FBH1: variants seen among roughly 807,000 people sequenced by gnomAD.
FBH1 encodes the protein DNA 3'-5' helicase 1.
Under a neutral mutation model 115.5 loss-of-function variants are expected in FBH1, and 43 were observed. That is an observed-to-expected ratio of 0.37 (90% CI 0.29 to 0.48). The LOEUF is 0.48. Ranked by LOEUF, FBH1 falls within the 20% of genes least tolerant of loss-of-function variation. The pLI is 0.99. For synonymous variants in FBH1, 524 were observed against 507.8 expected (o/e 1.03, Z -0.43); for missense variants, 1,001 against 1,337.3 (o/e 0.75, Z 3.92).
At chr10:5,922,660 G>A (rs1832381254) in intron 15 of FBH1, among the ~76,000 whole-genome samples, 1 of 152,164 alleles carries the variant, frequency 6.6e-6, no homozygotes, top group African/African-American at 2.4e-5. Context: ...GCTGTTTTAT[G>A]TGAGTGTTTT....
rs1357167647 is a variant in FBH1, at chr10:5,923,494, C to T, written c.2323-127C>T. 5 of 723,138 alleles carry T rather than the reference C, an allele frequency of 6.9e-6. No homozygotes were observed. Among genetic ancestry groups the T allele is most frequent in the Non-Finnish European group, 1.1e-5 (5 of 445,260 alleles). The allele number at this position is 723,138 out of a possible 1,614,324, so 44.8% of individuals were successfully genotyped here. Reference sequence around the variant, plus strand: ...TTGGGTGTCACTCAAGATCCATTTCCAAGAAACCATCTCATTTCAAAACCC... The same window carrying T: ...TTGGGTGTCACTCAAGATCCATTTCTAAGAAACCATCTCATTTCAAAACCC... On this transcript the variant is annotated intron_variant, in intron 15 of 20. Coordinates refer to ENST00000362091, the MANE Select transcript of FBH1 (RefSeq NM_178150.3). This position sits in a 1 kb window ranked among gnomAD's most constrained non-coding sequence, Gnocchi z 5.7.
chr10:5,922,893 C>CT (rs922882142), intron 15 of FBH1, among the ~76,000 whole-genome samples: 3 of 151,868 alleles, frequency 2.0e-5, no homozygotes, highest in African/African-American at 7.3e-5. Flanking sequence ...TCTGTAATTT[C>CT]TTTTTTTTGA....
chr10:5,927,535 G>A lies in FBH1; in HGVS notation c.2823G>A (p.Leu941=). The A allele has an allele frequency of 6.2e-7, 1 of 1,612,576 alleles. No individual in the cohort carries two copies. The highest frequency in any genetic ancestry group is 8.5e-7 in the Non-Finnish European group (1 of 1,179,536). Residue 941 remains leucine (L), a synonymous_variant, in exon 19 of 21, where the codon TTG becomes TTA. Transcript: ENST00000362091. ...AATCATTGGAAAACATTTTGACTTTGGCTGGGGTAAGCAGAACGGGCAGCA... is the reference window on the plus strand; with the variant it reads ...AATCATTGGAAAACATTTTGACTTTAGCTGGGGTAAGCAGAACGGGCAGCA... The part of the protein sequence containing the change: ...MTKSLENILT[L]AGEYFLQAEL...
chr10:5,937,339 A>C lies in FBH1; in HGVS notation c.*59A>C. On this transcript the variant is annotated 3_prime_UTR_variant, in exon 21 of 21. Transcript: ENST00000362091. ...GCTTGCCGAGGACCCCGCGTGAAGA[A>C]AGCCAGCGAGGGGGGCTTCTGCTCC... The C allele has an allele frequency of 7.0e-7, 1 of 1,421,460 alleles. No homozygotes were observed. The highest frequency in any genetic ancestry group is 2.8e-5 in the Admixed American group (1 of 36,070). The allele number at this position is 1,421,460 out of a possible 1,614,324, so 88.1% of individuals were successfully genotyped here.
In FBH1 at chr10:5,895,045, C is replaced by T. The variant is rs756023348; in HGVS notation, c.1+4699C>T. On this transcript the variant is annotated intron_variant, in intron 1 of 20. Transcript: ENST00000362091. This position sits in a 1 kb window ranked among gnomAD's most constrained non-coding sequence, Gnocchi z 5.0. ...GTTAACTGTTGAAATTGGGCCATTCCCGTTTCACAGGCTGCCATTGGACCT... is the reference window on the plus strand; with the variant it reads ...GTTAACTGTTGAAATTGGGCCATTCTCGTTTCACAGGCTGCCATTGGACCT... The T allele has an allele frequency of 8.7e-6, 14 of 1,608,228 alleles. No individual in the cohort carries two copies. Among genetic ancestry groups the T allele is most frequent in the Non-Finnish European group, 1.1e-5 (13 of 1,176,430 alleles).
intron 19 of FBH1, chr10:5,928,765 C>T (rs1425969245): frequency 6.6e-6 from 1 of 152,188 alleles, no homozygotes; most frequent in African/African-American, 2.4e-5. Context: ...GAAACTAGAA[C>T]AGAAATTTGA....
Position 5,908,928 on chromosome 10 carries a change from A to G in FBH1, c.757A>G (p.Ile253Val). ...WREIISDPLF[I>V]PWKKLYHRYL... is the part of the protein sequence containing the mutation. ...TGTTTGTTTTTTAACTGCATAGTTC[A>G]TTCCTTGGAAGAAGCTGTACCATCG... The change falls in exon 4 of 21, where the codon ATT (isoleucine) becomes GTT (valine). Residue 253 changes from isoleucine (I) to valine (V), a missense_variant. This residue lies in a region of FBH1 where 420 missense variants were observed against 430.4 expected (regional missense o/e 0.98). Transcript: ENST00000362091. The G allele has an allele frequency of 6.2e-7, 1 of 1,614,036 alleles. No homozygotes were observed. Among genetic ancestry groups the G allele is most frequent in the Non-Finnish European group, 8.5e-7 (1 of 1,180,030 alleles).
Position 5,937,120 on chromosome 10 carries a change from A to G in FBH1, c.2972A>G (p.Lys991Arg), listed in dbSNP as rs991132423. Residue 991 changes from lysine (K) to arginine (R), a missense_variant, in exon 21 of 21, where the codon AAG (lysine) becomes AGG (arginine). Lys to Arg is a conservative substitution (Grantham distance 26, BLOSUM62 2). Around this residue, in one of 4 missense-constraint regions of FBH1, gnomAD observed 521 missense variants for 811.0 expected, o/e 0.64. Transcript: ENST00000362091. ...TGTCCATCACCACAGAGCAACAGGA[A>G]GGAAAACAAGGGGGGCTACCTCTGC... ...KKLPITYSNR[K>R]ENKGGYLCHS... is the part of the protein sequence containing the mutation. The G allele has an allele frequency of 3.1e-6, 5 of 1,604,358 alleles. No homozygotes were observed. In the East Asian group the frequency reaches 1.1e-4, roughly 36 times the overall value.
intron 1 of FBH1, 74 bp from the exon 2 acceptor site, chr10:5,902,946 A>G (rs1424646453): frequency 7.8e-6 from 11 of 1,415,474 alleles, no homozygotes; most frequent in Admixed American, 6.9e-5. Flanking sequence ...CTTGAGTATA[A>G]TGTGCTGGCT....
chr10:5,894,444 C>G, intron 1 of FBH1: 1 of 1,562,278 alleles, frequency 6.4e-7, no homozygotes, highest in South Asian at 1.1e-5. Context: ...GTGCACTGGA[C>G]TAGGGGAGTC....
rs1450184724 is a variant in FBH1, at chr10:5,935,451, T to C, written c.2830-1005T>C. On this transcript the variant is annotated intron_variant, in intron 19 of 20. Coordinates refer to ENST00000362091, the MANE Select transcript of FBH1 (RefSeq NM_178150.3). The surrounding 1 kb of genome is among the most constrained non-coding windows in gnomAD (Gnocchi z 5.2). ...GTGTAAACGAGAAGCTATTTCACCG[T>C]GGGTTGGAGGGACCTCGCCAGGTTC... is the stretch of plus-strand genomic sequence containing the variant. 1 of 152,136 alleles carries C rather than the reference T, an allele frequency of 6.6e-6. No homozygotes were observed. The highest frequency in any genetic ancestry group is 1.5e-5 in the Non-Finnish European group (1 of 68,020). 9.4% of individuals were successfully genotyped at this position (152,136 alleles called of 1,614,324 possible). A position where few individuals can be genotyped will look rare whatever the true frequency, so the allele number is the denominator to read the frequency against.
chr10:5,937,294 GT>G lies in FBH1; in HGVS notation c.*16del. 1 of 1,578,864 alleles carries G rather than the reference GT, an allele frequency of 6.3e-7. No individual in the cohort carries two copies. The highest frequency in any genetic ancestry group is 1.8e-5 in the Admixed American group (1 of 56,672). On this transcript the variant is annotated 3_prime_UTR_variant, in exon 21 of 21. Coordinates refer to ENST00000362091, the MANE Select transcript of FBH1 (RefSeq NM_178150.3). Reference sequence around the variant, plus strand: ...CTCGTCTTCTGAGGACAAGGCGCACGTTCTCCGCAGTGCAGAGCAGCTTGCC... The same window carrying G: ...CTCGTCTTCTGAGGACAAGGCGCACGTCTCCGCAGTGCAGAGCAGCTTGCC...
chr10:5,902,971 G>A lies in FBH1; in HGVS notation c.2-49G>A, dbSNP rs920076575. On this transcript the variant is annotated intron_variant, in intron 1 of 20. Transcript: ENST00000362091. The stretch of plus-strand genomic sequence containing the variant: ...ATGTGCTGGCTAGCTTGTAGAATCG[G>A]TGATAACTAATGAATATCCCCTTTC... 4.6e-6 allele frequency: 7 copies of A among 1,527,404 alleles called. No homozygotes were observed. In the African/African-American group the frequency reaches 6.9e-5, roughly 15 times the overall value. The allele number at this position is 1,527,404 out of a possible 1,614,324, so 94.6% of individuals were successfully genotyped here.
intron 1 of FBH1, 27 bp from the exon 2 acceptor site, chr10:5,902,991 CCT>C (rs1296341664): frequency 3.8e-6 from 6 of 1,576,868 alleles, no homozygotes; most frequent in Non-Finnish European, 4.3e-6. Context: ...ATGAATATCC[CCT>C]TTCTTCTACC....
chr10:5,899,338 C>T (rs1171007148), intron 1 of FBH1, among the ~76,000 whole-genome samples: 1 of 152,114 alleles, frequency 6.6e-6, no homozygotes, highest in Non-Finnish European at 1.5e-5. Flanking sequence ...TGTTTTTTTC[C>T]TTCATGATTT....
intron 10 of FBH1, among the ~76,000 whole-genome samples, 181 bp downstream of exon 10, chr10:5,916,637 A>ACAGGGAGTG (rs1831972872): frequency 7.0e-6 from 1 of 141,946 alleles, no homozygotes; most frequent in African/African-American, 2.7e-5. Context: ...GGATGGGGAA[A>ACAGGGAGTG]TGGGAAGTGT....
In FBH1 at chr10:5,913,103, G is replaced by T. The variant is rs796844684; in HGVS notation, c.1212-644G>T. Among the ~76,000 whole-genome samples, 1 of 152,094 alleles carries T rather than the reference G, an allele frequency of 6.6e-6. No homozygotes were observed. Among genetic ancestry groups the T allele is most frequent in the African/African-American group, 2.4e-5 (1 of 41,406 alleles). ...GGGAGACTTGGAGAGGCTTTGGAAC[G>T]GCGTGTGCCAGCTGAGTCTGACGAG... On this transcript the variant is annotated intron_variant, in intron 6 of 20. Transcript: ENST00000362091. The surrounding 1 kb of genome is among the most constrained non-coding windows in gnomAD (Gnocchi z 4.4).
intron 1 of FBH1, among the ~76,000 whole-genome samples, chr10:5,891,713 A>G (rs792349): frequency 0.84 from 127,661 of 152,200 alleles, 53,787 homozygotes; most frequent in Admixed American, 0.88. Context: ...GGGTTCAAGC[A>G]ATTCTCCTGC....
At position 5,897,814 on chromosome 10, in the gene FBH1, G is replaced by A. The variant is rs1015790358; in HGVS notation, c.2-5206G>A. ...CCCATTAGCACTTTCTGTTACTCCTGTGTCTTTGTTAGATTTCTGCAAACA... is the reference window on the plus strand; with the variant it reads ...CCCATTAGCACTTTCTGTTACTCCTATGTCTTTGTTAGATTTCTGCAAACA... On this transcript the variant is annotated intron_variant, in intron 1 of 20. Coordinates refer to ENST00000362091, the MANE Select transcript of FBH1 (RefSeq NM_178150.3). The surrounding 1 kb of genome is among the most constrained non-coding windows in gnomAD (Gnocchi z 4.7). Among the ~76,000 whole-genome samples, 1 of 152,210 alleles carries A rather than the reference G, an allele frequency of 6.6e-6. No individual in the cohort carries two copies. The highest frequency in any genetic ancestry group is 2.4e-5 in the African/African-American group (1 of 41,450).
Sources: allele counts gnomAD v4.1 joint callset (sites outside exome capture counted in the v4.1 genomes callset), GRCh38; gene constraint gnomAD v4.1.1; regional missense constraint gnomAD v4.1.1; non-coding constraint Gnocchi (gnomAD v3.1); transcripts MANE v1.5; gene names NCBI Gene and HGNC (gene_info 2026-07-23, HGNC 2026-07-21).